Variants in DCLK1 observed in about 807,000 individuals in gnomAD.
DCLK1 encodes doublecortin like kinase 1, also known as serine/threonine-protein kinase DCLK1.
Under a neutral mutation model 86.2 loss-of-function variants are expected in DCLK1, and 16 were observed. The ratio of observed to expected loss-of-function variants is 0.19; its 90% confidence interval spans 0.13 to 0.28. The LOEUF (loss-of-function observed/expected upper bound fraction) is 0.28, where lower values mean the gene tolerates loss of function less well. Among genes scored for constraint, DCLK1 ranks in the 10% least tolerant of loss-of-function variants. The pLI, the probability that DCLK1 is intolerant of heterozygous loss-of-function variation, is 1.00. For synonymous variants in DCLK1, 369 were observed against 370.5 expected, an observed-to-expected ratio of 1.00 and a Z score of 0.05; for missense variants, 590 against 940.2, an observed-to-expected ratio of 0.63 and a Z score of 4.87.
intron 3 of DCLK1, among the ~76,000 whole-genome samples, chr13:36,058,919 A>T (rs1363154839): frequency 6.6e-6 from 1 of 152,178 alleles, no homozygotes; most frequent in African/African-American, 2.4e-5. Flanking sequence ...TAAGTTAGTA[A>T]TGATCAGAAT....
chr13:36,027,631 G>A (rs988758373), intron 3 of DCLK1, among the ~76,000 whole-genome samples: 1 of 152,222 alleles, frequency 6.6e-6, no homozygotes, highest in African/African-American at 2.4e-5. Flanking sequence ...CAGAAGAGAT[G>A]AGTTAAGTAT....
intron 3 of DCLK1, among the ~76,000 whole-genome samples, chr13:35,958,126 C>T (rs111205541): frequency 2.1e-3 from 9 of 4,362 alleles, no homozygotes; most frequent in South Asian, 8.5e-3. Context: ...ACCACCACTA[C>T]CACTACTATA....
chr13:35,778,921 T>G (rs1195137391), intron 16 of DCLK1, among the ~76,000 whole-genome samples: 1 of 152,364 alleles, frequency 6.6e-6, no homozygotes. Context: ...TATCTCTGAA[T>G]GTACTTTAAT....
chr13:35,806,278 A>G (rs1293528272), intron 14 of DCLK1, among the ~76,000 whole-genome samples: 1 of 152,220 alleles, frequency 6.6e-6, no homozygotes, highest in African/African-American at 2.4e-5. Flanking sequence ...TCTTTCCCCA[A>G]TTCTGGGTGG....
At chr13:36,012,145 G>T (rs1881302800) in intron 3 of DCLK1, among the ~76,000 whole-genome samples, 1 of 139,224 alleles carries the variant, frequency 7.2e-6, no homozygotes, top group East Asian at 2.1e-4. Flanking sequence ...TGGGTTTCCT[G>T]AATACAGCAC....
At chr13:36,112,405 G>C (rs1190477155) in intron 2 of DCLK1, among the ~76,000 whole-genome samples, 190 bp from the exon 3 acceptor site, 1 of 152,126 alleles carries the variant, frequency 6.6e-6, no homozygotes, top group Non-Finnish European at 1.5e-5. Flanking sequence ...GTCAGCAACA[G>C]ATCCACATCC....
At chr13:36,083,580 G>A (rs1884493399) in intron 3 of DCLK1, among the ~76,000 whole-genome samples, 3 of 152,188 alleles carry the variant, frequency 2.0e-5, no homozygotes, top group Non-Finnish European at 4.4e-5. Context: ...ATTGAAAGTG[G>A]AATAGATTCT....
chr13:36,089,118 C>T (rs1266286443), intron 3 of DCLK1, among the ~76,000 whole-genome samples: 1 of 152,158 alleles, frequency 6.6e-6, no homozygotes, highest in African/African-American at 2.4e-5. Context: ...TTCAAAATGG[C>T]TTTTGCCAGA....
intron 3 of DCLK1, among the ~76,000 whole-genome samples, chr13:35,958,111 T>TCACCAC: frequency 1.3e-5 from 1 of 74,790 alleles, no homozygotes; most frequent in African/African-American, 5.4e-5. Context: ...ATAACCACCA[T>TCACCAC]CACCACCACC....
At chr13:35,820,877 G>A (rs752038605) in intron 11 of DCLK1, among the ~76,000 whole-genome samples, 2 of 152,240 alleles carry the variant, frequency 1.3e-5, no homozygotes, top group Non-Finnish European at 2.9e-5. Context: ...GTAGCTACAA[G>A]ATTACCAGCA....
In DCLK1 at chr13:35,810,987, T is replaced by C. The variant is rs370901879; in HGVS notation, c.1555-19A>G. The C allele has an allele frequency of 2.7e-5, 43 of 1,612,614 alleles. No homozygotes were observed. Among genetic ancestry groups the C allele is most frequent in the Non-Finnish European group, 3.4e-5 (40 of 1,179,644 alleles). ...CATACACCTAAAACAAAGGTAAAAA[T>C]CACAATTGTCTGAAAACCAAGAGCT... is the stretch of plus-strand genomic sequence containing the variant. On this transcript the variant is annotated intron_variant, in intron 11 of 16. Coordinates refer to ENST00000360631, the MANE Select transcript of DCLK1 (RefSeq NM_001330071.2).
At chr13:35,989,433 G>A (rs915471673) in intron 3 of DCLK1, among the ~76,000 whole-genome samples, 5 of 151,726 alleles carry the variant, frequency 3.3e-5, no homozygotes, top group South Asian at 2.1e-4. Context: ...CACCACACCC[G>A]GCTAATTTTT....
intron 3 of DCLK1, among the ~76,000 whole-genome samples, chr13:35,961,680 A>C (rs1005110446): frequency 2.6e-5 from 4 of 152,210 alleles, no homozygotes; most frequent in African/African-American, 7.2e-5. Context: ...TGTCCACGCC[A>C]ATCATAACTT....
At chr13:35,946,950 A>G (rs1877418520) in intron 4 of DCLK1, among the ~76,000 whole-genome samples, 1 of 152,148 alleles carries the variant, frequency 6.6e-6, no homozygotes, top group African/African-American at 2.4e-5. Flanking sequence ...AAAGCAAACC[A>G]CTTGCCTGGT....
At chr13:35,992,018 A>G (rs1880253984) in intron 3 of DCLK1, among the ~76,000 whole-genome samples, 1 of 152,204 alleles carries the variant, frequency 6.6e-6, no homozygotes, top group Non-Finnish European at 1.5e-5. Flanking sequence ...ATGTTTTATG[A>G]TTACCCTGGC....
chr13:35,924,636 C>G (rs551686365), intron 4 of DCLK1, among the ~76,000 whole-genome samples: 1 of 151,610 alleles, frequency 6.6e-6, no homozygotes, highest in African/African-American at 2.4e-5. Flanking sequence ...GGTGACAGAG[C>G]AAGACCCTGT....
At chr13:36,021,243 TAAAAAA>T (rs36052794) in intron 3 of DCLK1, among the ~76,000 whole-genome samples, 8 of 149,100 alleles carry the variant, frequency 5.4e-5, no homozygotes, top group African/African-American at 1.5e-4. Flanking sequence ...ATAAAAATAA[TAAAAAA>T]AAAAAGTAAA....
chr13:35,857,648 C>T lies in DCLK1; in HGVS notation c.941-3055G>A, dbSNP rs57826715. Among the ~76,000 whole-genome samples the T allele has an allele frequency of 4.5e-3, 689 of 152,280 alleles. 5 individuals are homozygous for T. The highest frequency in any genetic ancestry group is 0.016 in the African/African-American group (655 of 41,554). Reference sequence around the variant, plus strand: ...TCTTTTAAACTAAGAAGACAAGAACCGAGGTATCACAACAGCCATTAACAG... The same window carrying T: ...TCTTTTAAACTAAGAAGACAAGAACTGAGGTATCACAACAGCCATTAACAG... On this transcript the variant is annotated intron_variant, in intron 5 of 16. Transcript: ENST00000360631.
chr13:35,880,180 A>C (rs978930834), intron 4 of DCLK1, among the ~76,000 whole-genome samples: 1 of 152,224 alleles, frequency 6.6e-6, no homozygotes, highest in African/African-American at 2.4e-5. Context: ...ACAATGCTGA[A>C]GGTCTTCCAA....
Sources: gnomAD v4.1 joint callset for allele counts (sites outside exome capture counted in the v4.1 genomes callset) on GRCh38, gnomAD v4.1.1 for gene constraint, MANE v1.5 for transcripts, NCBI Gene and HGNC (gene_info 2026-07-23, HGNC 2026-07-21) for gene names.